The following ATP8A2 variants were observed in gnomAD, a reference collection of about 807,000 sequenced individuals.
ATP8A2 encodes the protein ATPase phospholipid transporting 8A2.
A neutral mutation model predicts 165.6 loss-of-function variants in ATP8A2; 100 were observed. That is an observed-to-expected ratio of 0.60 (90% CI 0.51 to 0.71). The LOEUF is 0.71. Among genes scored for constraint, ATP8A2 ranks in the 30% least tolerant of loss-of-function variants. The probability of loss-of-function intolerance (pLI) is 0.00; values close to 1 mark genes in which losing one functional copy is unlikely to be tolerated. For missense variants in ATP8A2, 1,227 were observed against 1,479.5 expected, an observed-to-expected ratio of 0.83 and a Z score of 2.80; for synonymous variants, 543 against 548.8, an observed-to-expected ratio of 0.99 and a Z score of 0.15.
chr13:25,748,248 C>G (rs2044077821), intron 25 of ATP8A2, among the ~76,000 whole-genome samples: 1 of 152,146 alleles, frequency 6.6e-6, no homozygotes. Flanking sequence ...GGATTTTCCC[C>G]CCATGCTGTT....
At chr13:25,985,979 G>A (rs1956274200) in intron 35 of ATP8A2, among the ~76,000 whole-genome samples, 1 of 152,220 alleles carries the variant, frequency 6.6e-6, no homozygotes, top group Non-Finnish European at 1.5e-5. Context: ...TTTCATGAAA[G>A]CCACGTGCTA....
intron 1 of ATP8A2, among the ~76,000 whole-genome samples, chr13:25,382,892 A>C (rs572549593): frequency 2.0e-5 from 3 of 150,952 alleles, no homozygotes; most frequent in Non-Finnish European, 4.4e-5. Flanking sequence ...AGTAGCTGGG[A>C]CTACAGGTGC....
At chr13:25,435,320 C>T (rs2034728322) in intron 1 of ATP8A2, among the ~76,000 whole-genome samples, 1 of 151,980 alleles carries the variant, frequency 6.6e-6, no homozygotes, top group Non-Finnish European at 1.5e-5. Flanking sequence ...GGGGTTTCAC[C>T]ATGTTGGTCA....
chr13:26,015,688 C>G (rs1956954541), intron 36 of ATP8A2, among the ~76,000 whole-genome samples: 1 of 152,132 alleles, frequency 6.6e-6, no homozygotes, highest in Non-Finnish European at 1.5e-5. Context: ...CACCTCCTTT[C>G]ACCTACACGA....
In ATP8A2 at chr13:26,020,294, TA is replaced by T. The variant is rs1244322836; in HGVS notation, c.*312del. The T allele has an allele frequency of 2.9e-6, 1 of 344,152 alleles. No homozygotes were observed. The highest frequency in any genetic ancestry group is 6.4e-5 in the East Asian group (1 of 15,508). 21.3% of individuals were successfully genotyped at this position (344,152 alleles called of 1,614,324 possible). On this transcript the variant is annotated 3_prime_UTR_variant, in exon 37 of 37. Transcript: ENST00000381655. ...AAAAACATTATGTTTCACCAATATTTAAACATCAGTACTAGTTGTCCTGGGA... is the reference window on the plus strand; with the variant it reads ...AAAAACATTATGTTTCACCAATATTTAACATCAGTACTAGTTGTCCTGGGA...
At chr13:25,962,311 C>T (rs944097331) in intron 34 of ATP8A2, among the ~76,000 whole-genome samples, 6 of 152,044 alleles carry the variant, frequency 3.9e-5, no homozygotes, top group African/African-American at 1.4e-4. Context: ...TTCATTTTTC[C>T]AAACAACTCA....
rs183674533 is a variant in ATP8A2 at position 25,695,238 on chromosome 13, T to C, written c.2212-3935T>C. ...ACATCTTTAAAAAACCCAATGTGTG[T>C]GCCTTAATTTAAAAATACTTTTTAC... is the stretch of plus-strand genomic sequence containing the variant. On this transcript the variant is annotated intron_variant, in intron 24 of 36. Coordinates refer to ENST00000381655, the MANE Select transcript of ATP8A2 (RefSeq NM_016529.6). 2.4e-3 allele frequency among the ~76,000 whole-genome samples: 372 copies of C among 152,246 alleles called. 2 individuals carry two copies. Among genetic ancestry groups the C allele is most frequent in the Non-Finnish European group, 4.4e-3 (297 of 68,020 alleles).
At chr13:25,930,109 C>A (rs1474310686) in intron 33 of ATP8A2, among the ~76,000 whole-genome samples, 3 of 152,106 alleles carry the variant, frequency 2.0e-5, no homozygotes, top group African/African-American at 7.2e-5. Context: ...ACCCATAGGT[C>A]TTTGCCAGTC....
chr13:25,574,679 T>C, intron 18 of ATP8A2, 129 bp from the exon 19 acceptor site: 2 of 694,548 alleles, frequency 2.9e-6, no homozygotes, highest in Non-Finnish European at 5.2e-6. Flanking sequence ...AAACAGTACA[T>C]GTTGCAAAGG....
intron 33 of ATP8A2, among the ~76,000 whole-genome samples, chr13:25,942,439 T>G (rs1955096077): frequency 6.6e-6 from 1 of 152,244 alleles, no homozygotes; most frequent in East Asian, 1.9e-4. Flanking sequence ...TCTTTTTTTT[T>G]GAGATGAAGT....
chr13:25,883,269 A>G (rs1953039824), intron 33 of ATP8A2, among the ~76,000 whole-genome samples: 1 of 151,958 alleles, frequency 6.6e-6, no homozygotes, highest in East Asian at 1.9e-4. Flanking sequence ...AAAAAATACA[A>G]ATTAGCTGGG....
intron 25 of ATP8A2, among the ~76,000 whole-genome samples, chr13:25,701,684 C>T (rs2137926016): frequency 6.6e-6 from 1 of 151,242 alleles, no homozygotes; most frequent in African/African-American, 2.4e-5. Context: ...TAAGGGTTTA[C>T]AGGAACATGT....
In ATP8A2 at chr13:25,475,564, T is replaced by C. The variant is rs139278464; in HGVS notation, c.221+6443T>C. On this transcript the variant is annotated intron_variant, in intron 2 of 36. Coordinates refer to ENST00000381655, the MANE Select transcript of ATP8A2 (RefSeq NM_016529.6). ...TGGGATTGCTGAGTTGAGTGGTAGT[T>C]CGGTTATTAGCTCTTTGAAAAACTT... Among the ~76,000 whole-genome samples the C allele has an allele frequency of 9.6e-3, 1,468 of 152,360 alleles. 22 individuals are homozygous for C. Among genetic ancestry groups the C allele is most frequent in the Admixed American group, 0.043 (655 of 15,300 alleles).
At chr13:25,390,476 CT>C (rs1032182512) in intron 1 of ATP8A2, among the ~76,000 whole-genome samples, 1 of 152,172 alleles carries the variant, frequency 6.6e-6, no homozygotes, top group Non-Finnish European at 1.5e-5. Flanking sequence ...AAGTTCTCCC[CT>C]GTCCCTTTGT....
chr13:26,003,647 G>A (rs1041896135), intron 35 of ATP8A2, among the ~76,000 whole-genome samples: 2 of 152,024 alleles, frequency 1.3e-5, no homozygotes, highest in Non-Finnish European at 2.9e-5. Flanking sequence ...AGCAGTTTTA[G>A]TTTCAACTCG....
chr13:25,402,044 G>A (rs2033654139), intron 1 of ATP8A2, among the ~76,000 whole-genome samples: 1 of 151,968 alleles, frequency 6.6e-6, no homozygotes, highest in African/African-American at 2.4e-5. Context: ...AGTCAAATAA[G>A]GGCTACTTGA....
At chr13:25,749,643 G>A (rs1446712583) in intron 25 of ATP8A2, among the ~76,000 whole-genome samples, 1 of 152,166 alleles carries the variant, frequency 6.6e-6, no homozygotes, top group African/African-American at 2.4e-5. Context: ...GGGCAAGGGA[G>A]ATGGGAGGAA....
chr13:25,452,388 C>CT (rs948682671), intron 1 of ATP8A2, among the ~76,000 whole-genome samples: 2 of 152,064 alleles, frequency 1.3e-5, no homozygotes, highest in African/African-American at 2.4e-5. Flanking sequence ...CACCAAAATA[C>CT]TTTTTTTTCT....
chr13:25,958,737 T>A (rs1955591284), intron 33 of ATP8A2, among the ~76,000 whole-genome samples: 1 of 152,190 alleles, frequency 6.6e-6, no homozygotes, highest in Non-Finnish European at 1.5e-5. Flanking sequence ...TAGTTATGTG[T>A]GTCACATTCA....
Sources: allele counts gnomAD v4.1 joint callset (sites outside exome capture counted in the v4.1 genomes callset), GRCh38; gene constraint gnomAD v4.1.1; transcripts MANE v1.5; gene names NCBI Gene and HGNC (gene_info 2026-07-23, HGNC 2026-07-21).